Variants in KLK11 observed in about 807,000 individuals in gnomAD.
KLK11 encodes kallikrein related peptidase 11, also known as kallikrein-11.
Under a neutral mutation model 23.4 loss-of-function variants are expected in KLK11, and 10 were observed. That is an observed-to-expected ratio of 0.43 (90% CI 0.26 to 0.73). The LOEUF (loss-of-function observed/expected upper bound fraction) is 0.73. Among genes scored for constraint, KLK11 ranks in the 30% least tolerant of loss-of-function variants. The probability of loss-of-function intolerance (pLI) is 0.22; values close to 1 mark genes in which losing one functional copy is unlikely to be tolerated. For synonymous variants in KLK11, 131 were observed against 131.7 expected, an observed-to-expected ratio of 0.99 and a Z score of 0.03; for missense variants, 285 against 327.8, an observed-to-expected ratio of 0.87 and a Z score of 1.01.
upstream of KLK11, chr19:51,027,387 C>G (rs1325252648): frequency 6.6e-7 from 1 of 1,514,410 alleles, no homozygotes; most frequent in Non-Finnish European, 9.1e-7. Context: ...GGGCCTCGCT[C>G]CTCTGCTGAC....
In KLK11 at chr19:51,024,821, G is replaced by A. The variant is rs746262085; in HGVS notation, c.41-27C>T. The stretch of plus-strand genomic sequence containing the variant: ...TGGAGGGGGTGAGAGCAAAAGAAGG[G>A]GCTCAGGAAGGAGAGGTGGTAGACC... On this transcript the variant is annotated intron_variant, in intron 2 of 5. Coordinates refer to ENST00000453757, the MANE Select transcript of KLK11 (RefSeq NM_001136032.3). This position sits in a 1 kb window ranked among gnomAD's most constrained non-coding sequence, Gnocchi z 6.2. 2.0e-6 allele frequency: 3 copies of A among 1,531,116 alleles called. No homozygotes were observed. In the East Asian group the frequency reaches 7.4e-5, roughly 38 times the overall value. The allele number at this position is 1,531,116 out of a possible 1,614,324, so 94.8% of individuals were successfully genotyped here.
At position 51,024,659 on chromosome 19, in the gene KLK11, G is replaced by T. The variant is rs767491956; in HGVS notation, c.176C>A (p.Thr59Lys). 2 of 1,587,702 alleles carry T rather than the reference G, an allele frequency of 1.3e-6. No individual in the cohort carries two copies. Among genetic ancestry groups the T allele is most frequent in the Non-Finnish European group, 1.7e-6 (2 of 1,168,298 alleles). Residue 59 changes from threonine to lysine, a missense_variant, in exon 3 of 6, where the codon ACA (threonine) becomes AAA (lysine). Physicochemically the swap from Thr to Lys is moderately conservative, Grantham distance 78 (BLOSUM62 -1). Transcript: ENST00000453757. This position sits in a 1 kb window ranked among gnomAD's most constrained non-coding sequence, Gnocchi z 6.2. ...ATLIAPRWLL[T>K]AAHCLKPRYI... Reference sequence around the variant, plus strand: ...CCACGGCTTGAGGCAGTGGGCTGCTGTCAGGAGCCATCTGGGGGCGATGAG... The same window carrying T: ...CCACGGCTTGAGGCAGTGGGCTGCTTTCAGGAGCCATCTGGGGGCGATGAG...
Position 51,024,698 on chromosome 19 carries a change from A to G in KLK11, c.137T>C (p.Leu46Pro). Reference sequence around the variant, plus strand: ...GGGGGCGATGAGCGTCGCCCCACAGAGTAGCCGCGTCTTCTCGAACAGGGC... The same window carrying G: ...GGGGGCGATGAGCGTCGCCCCACAGGGTAGCCGCGTCTTCTCGAACAGGGC... Reference protein sequence around the residue: ...QAALFEKTRLLCGATLIAPRW... With the variant: ...QAALFEKTRLPCGATLIAPRW... Residue 46 changes from leucine to proline, a missense_variant, in exon 3 of 6, where the codon CTC (leucine) becomes CCC (proline). Coordinates refer to ENST00000453757, the MANE Select transcript of KLK11 (RefSeq NM_001136032.3). The surrounding 1 kb of genome is among the most constrained non-coding windows in gnomAD (Gnocchi z 6.2). The G allele has an allele frequency of 6.2e-7, 1 of 1,601,940 alleles. No homozygotes were observed. The highest frequency in any genetic ancestry group is 8.5e-7 in the Non-Finnish European group (1 of 1,176,138).
At position 51,025,593 on chromosome 19, in the gene KLK11, T is replaced by C. The variant is rs201296023; in HGVS notation, c.39A>G (p.Thr13=). The C allele has an allele frequency of 1.9e-4, 296 of 1,577,558 alleles. No individual in the cohort carries two copies. The highest frequency in any genetic ancestry group is 2.2e-4 in the Non-Finnish European group (261 of 1,160,458). Reference sequence around the variant, plus strand: ...GCCCTGCCCCCATCCCCTGCGTACCTGTTGCCAGAGCAAGCAGGATTAACT... The same window carrying C: ...GCCCTGCCCCCATCCCCTGCGTACCCGTTGCCAGAGCAAGCAGGATTAACT... ...ILQLILLALA[T]GLVGGETRII... is the part of the protein sequence containing the mutation. The change falls in exon 2 of 6, where the codon ACA becomes ACG. Residue 13 remains threonine (T), a splice_region_variant and synonymous_variant. Coordinates refer to ENST00000453757, the MANE Select transcript of KLK11 (RefSeq NM_001136032.3). The surrounding 1 kb of genome is among the most constrained non-coding windows in gnomAD (Gnocchi z 6.2).
In KLK11 at chr19:51,022,556, T is replaced by C; in HGVS notation, c.742A>G (p.Lys248Glu). Residue 248 changes from lysine to glutamate, a missense_variant, in exon 6 of 6, where the codon AAG (lysine) becomes GAG (glutamate). Coordinates refer to ENST00000453757, the MANE Select transcript of KLK11 (RefSeq NM_001136032.3). ...TGGGTGGGTCCAGTCTAATTGTTCT[T>C]CATCGTCTCCTGGATCCAGTCCACA... ...KYVDWIQETM[K>E]NN 1.9e-6 allele frequency: 3 copies of C among 1,614,106 alleles called. No individual in the cohort carries two copies. Among genetic ancestry groups the C allele is most frequent in the South Asian group, 1.1e-5 (1 of 91,076 alleles).
intron 4 of KLK11, 90 bp downstream of exon 4, chr19:51,023,955 G>A: frequency 9.1e-7 from 1 of 1,095,142 alleles, no homozygotes; most frequent in East Asian, 2.7e-5. Flanking sequence ...TCGTCACTGT[G>A]AACCGCATCT....
In KLK11 at chr19:51,025,369, C is replaced by T. The variant is rs1004094829; in HGVS notation, c.40+223G>A. On this transcript the variant is annotated intron_variant, in intron 2 of 5. Transcript: ENST00000453757. This position sits in a 1 kb window ranked among gnomAD's most constrained non-coding sequence, Gnocchi z 6.2. Reference sequence around the variant, plus strand: ...TCCCCCAACTCCAGCTTCCTCAGCCCCTCCACGGGACCCTTTACGACCCCC... The same window carrying T: ...TCCCCCAACTCCAGCTTCCTCAGCCTCTCCACGGGACCCTTTACGACCCCC... Among the ~76,000 whole-genome samples, 1 of 152,298 alleles carries T rather than the reference C, an allele frequency of 6.6e-6. No individual in the cohort carries two copies. Among genetic ancestry groups the T allele is most frequent in the South Asian group, 2.1e-4 (1 of 4,824 alleles).
In KLK11 at chr19:51,024,719, AG is replaced by A; in HGVS notation, c.115del (p.Leu39CysfsTer20). 3.1e-6 allele frequency: 5 copies of A among 1,601,308 alleles called. No individual in the cohort carries two copies. Among genetic ancestry groups the A allele is most frequent in the Non-Finnish European group, 4.3e-6 (5 of 1,176,272 alleles). ...KPHSQPWQAA[L>X]FEKTRLLCGA... The stretch of plus-strand genomic sequence containing the variant: ...ACAGAGTAGCCGCGTCTTCTCGAAC[AG>A]GGCTGCCTGCCAGGGCTGGGAGTGA... On this transcript the variant is annotated frameshift_variant, in exon 3 of 6. Transcript: ENST00000453757. LOFTEE classifies it high-confidence loss of function. This position sits in a 1 kb window ranked among gnomAD's most constrained non-coding sequence, Gnocchi z 6.2.
In KLK11 at chr19:51,024,523, A is replaced by T; in HGVS notation, c.197+115T>A. ...ACTCGAGCCCATCAACCTTGCTGACACTACCCATCCCCATCTCTAATCCCC... is the reference window on the plus strand; with the variant it reads ...ACTCGAGCCCATCAACCTTGCTGACTCTACCCATCCCCATCTCTAATCCCC... On this transcript the variant is annotated intron_variant, in intron 3 of 5. Coordinates refer to ENST00000453757, the MANE Select transcript of KLK11 (RefSeq NM_001136032.3). This position sits in a 1 kb window ranked among gnomAD's most constrained non-coding sequence, Gnocchi z 6.2. The T allele has an allele frequency of 7.9e-7, 1 of 1,272,312 alleles. No homozygotes were observed. Among genetic ancestry groups the T allele is most frequent in the Non-Finnish European group, 1.0e-6 (1 of 953,816 alleles). 78.8% of individuals were successfully genotyped at this position (1,272,312 alleles called of 1,614,324 possible).
At chr19:51,023,903 CTA>C in intron 4 of KLK11, 140 bp downstream of exon 4, 2 of 746,480 alleles carry the variant, frequency 2.7e-6, no homozygotes, top group Non-Finnish European at 4.0e-6. Flanking sequence ...CCCCACCCCC[CTA>C]TCCTGACGTT....
In KLK11 at chr19:51,024,590, C is replaced by CCCA; in HGVS notation, c.197+45_197+47dup. On this transcript the variant is annotated intron_variant, in intron 3 of 5. Coordinates refer to ENST00000453757, the MANE Select transcript of KLK11 (RefSeq NM_001136032.3). The surrounding 1 kb of genome is among the most constrained non-coding windows in gnomAD (Gnocchi z 6.2). ...CCCTGAGCTTCTCTCCATCCATCTCCCCATTCCCAGCCCCCCACCCCGGCA... is the reference window on the plus strand; with the variant it reads ...CCCTGAGCTTCTCTCCATCCATCTCCCCACCATTCCCAGCCCCCCACCCCGGCA... 6.9e-7 allele frequency: 1 copy of CCCA among 1,456,098 alleles called. No homozygotes were observed. 90.2% of individuals were successfully genotyped at this position (1,456,098 alleles called of 1,614,324 possible).
upstream of KLK11, chr19:51,027,581 C>T (rs1218809815): frequency 3.0e-5 from 47 of 1,593,104 alleles, no homozygotes; most frequent in Non-Finnish European, 3.9e-5. Context: ...AGGTCCCTTC[C>T]CTTGGCTTTC....
chr19:51,027,923 G>A (rs560453540), upstream of KLK11: 4 of 175,344 alleles, frequency 2.3e-5, no homozygotes, highest in South Asian at 4.1e-4. Flanking sequence ...CAGTGCATTT[G>A]GGGAGATGGT....
At chr19:51,027,568 G>C, upstream of KLK11, 2 of 1,609,068 alleles carry the variant, frequency 1.2e-6, no homozygotes, top group Non-Finnish European at 1.7e-6. Context: ...TTTGTTTTCA[G>C]TTAGGTCCCT....
chr19:51,025,510 T>C lies in KLK11; in HGVS notation c.40+82A>G. ...TTGTTCTGTAATTTGGAATCAGCCC[T>C]GTCACTGTCCAGACACAGAGGGTTA... On this transcript the variant is annotated intron_variant, in intron 2 of 5. Coordinates refer to ENST00000453757, the MANE Select transcript of KLK11 (RefSeq NM_001136032.3). The surrounding 1 kb of genome is among the most constrained non-coding windows in gnomAD (Gnocchi z 6.2). The C allele has an allele frequency of 1.1e-6, 1 of 933,282 alleles. No individual in the cohort carries two copies. The highest frequency in any genetic ancestry group is 1.6e-6 in the Non-Finnish European group (1 of 638,870). 57.8% of individuals were successfully genotyped at this position (933,282 alleles called of 1,614,324 possible).
chr19:51,023,262 G>A (rs1271651841), intron 4 of KLK11, 34 bp from the exon 5 acceptor site: 6 of 1,603,560 alleles, frequency 3.7e-6, no homozygotes, highest in Non-Finnish European at 5.1e-6. Flanking sequence ...GTGGGAATGA[G>A]CCCCCTGCCA....
At chr19:51,026,373 G>A (rs371133812) in intron 1 of KLK11, among the ~76,000 whole-genome samples, 165 bp downstream of exon 1, 6 of 151,918 alleles carry the variant, frequency 3.9e-5, no homozygotes, top group Non-Finnish European at 7.4e-5. Flanking sequence ...CTGAGGCTGC[G>A]GACAGCCATC....
upstream of KLK11, chr19:51,027,521 C>T (rs1458528551): frequency 3.1e-6 from 5 of 1,613,886 alleles, no homozygotes; most frequent in East Asian, 4.5e-5. Flanking sequence ...TCTGCATCTG[C>T]GGAACCCGAG....
chr19:51,027,093 C>G, upstream of KLK11: 1 of 223,872 alleles, frequency 4.5e-6, no homozygotes, highest in East Asian at 1.2e-4. Context: ...GGCAATTTGT[C>G]TTGAAATCCC....
Sources: gnomAD v4.1 joint callset for allele counts (sites outside exome capture counted in the v4.1 genomes callset) on GRCh38, gnomAD v4.1.1 for gene constraint, Gnocchi (gnomAD v3.1) non-coding constraint, MANE v1.5 for transcripts, NCBI Gene and HGNC (gene_info 2026-07-23, HGNC 2026-07-21) for gene names.